Variants in SH3RF3 observed in about 807,000 individuals in gnomAD.
SH3RF3 encodes the protein SH3 domain containing ring finger 3, also known as E3 ubiquitin-protein ligase SH3RF3.
SH3RF3 carries 29 observed loss-of-function variants against 66.3 expected under a neutral mutation model. The ratio of observed to expected loss-of-function variants is 0.44; its 90% CI spans 0.33 to 0.60. The LOEUF is 0.60. Among genes scored for constraint, SH3RF3 ranks in the 20% least tolerant of loss-of-function variants. The probability of loss-of-function intolerance (pLI) is 0.04; values close to 1 mark genes in which losing one functional copy is unlikely to be tolerated. For missense variants in SH3RF3, 1,194 were observed against 1,190.9 expected (o/e 1.00, Z -0.04); for synonymous variants, 583 against 532.0 (o/e 1.10, Z -1.32).
chr2:109,355,736 C>G (rs1292947579), intron 2 of SH3RF3, among the ~76,000 whole-genome samples: 4 of 152,186 alleles, frequency 2.6e-5, no homozygotes, highest in African/African-American at 9.7e-5. Context: ...TGTGAAGCAG[C>G]AACTTAACAC....
intron 2 of SH3RF3, among the ~76,000 whole-genome samples, chr2:109,358,195 G>A (rs1276437898): frequency 1.3e-5 from 2 of 152,130 alleles, no homozygotes; most frequent in African/African-American, 4.8e-5. Flanking sequence ...TTGCATTTAA[G>A]GTCCTTCCAT....
At chr2:109,170,971 A>C (rs1321659093) in intron 1 of SH3RF3, among the ~76,000 whole-genome samples, 2 of 152,128 alleles carry the variant, frequency 1.3e-5, no homozygotes, top group African/African-American at 4.8e-5. Flanking sequence ...GCACAGAGGC[A>C]CACAGGGCGC....
rs186689103 is a variant in SH3RF3 at position 109,456,373 on chromosome 2, G to A, written c.2148+6884G>A. ...GGCTGAAAATGAACCCATCCTGAAA[G>A]CGTGAATCCCAGCTGCCAAAAAACA... On this transcript the variant is annotated intron_variant, in intron 8 of 9. Coordinates refer to ENST00000309415, the MANE Select transcript of SH3RF3 (RefSeq NM_001099289.3). Among the ~76,000 whole-genome samples the A allele has an allele frequency of 2.0e-5, 3 of 152,352 alleles. No individual in the cohort carries two copies. In the East Asian group the frequency reaches 5.8e-4, roughly 29 times the overall value.
intron 1 of SH3RF3, among the ~76,000 whole-genome samples, chr2:109,239,158 T>G (rs893100482): frequency 1.3e-5 from 2 of 152,056 alleles, no homozygotes; most frequent in African/African-American, 4.8e-5. Context: ...CACTTTGAGC[T>G]TCCCCAGACC....
At chr2:109,325,083 G>T (rs1483263324) in intron 1 of SH3RF3, among the ~76,000 whole-genome samples, 4 of 152,120 alleles carry the variant, frequency 2.6e-5, no homozygotes, top group Non-Finnish European at 5.9e-5. Flanking sequence ...TAGAAGGGAG[G>T]ATGCCATGGC....
chr2:109,317,547 G>A (rs903244100), intron 1 of SH3RF3, among the ~76,000 whole-genome samples: 10 of 152,130 alleles, frequency 6.6e-5, no homozygotes, highest in African/African-American at 1.4e-4. Flanking sequence ...TCGTTCTGCC[G>A]GGCCTGCCTC....
At chr2:109,241,257 T>TAACAACAAC (rs57171165) in intron 1 of SH3RF3, among the ~76,000 whole-genome samples, 6,206 of 151,268 alleles carry the variant, frequency 0.041, 417 homozygotes, top group African/African-American at 0.14. Flanking sequence ...CCTAAGAATA[T>TAACAACAAC]AACAACAACA....
chr2:109,203,460 C>T (rs1319972492), intron 1 of SH3RF3, among the ~76,000 whole-genome samples: 1 of 152,216 alleles, frequency 6.6e-6, no homozygotes, highest in Non-Finnish European at 1.5e-5. Flanking sequence ...ATGACATATT[C>T]TTTAAGTCGC....
chr2:109,484,165 C>G (rs1678909198), intron 8 of SH3RF3, among the ~76,000 whole-genome samples: 1 of 150,960 alleles, frequency 6.6e-6, no homozygotes, highest in Admixed American at 6.6e-5. Context: ...CTTCTGGGTT[C>G]AAGCGATTCT....
chr2:109,259,050 G>A (rs1230604015), intron 1 of SH3RF3, among the ~76,000 whole-genome samples: 3 of 152,242 alleles, frequency 2.0e-5, no homozygotes, highest in African/African-American at 7.2e-5. Flanking sequence ...AGAGCCTTGT[G>A]CTGCCAGGGC....
At chr2:109,449,031 C>T in intron 7 of SH3RF3, 139 bp from the exon 8 acceptor site, 1 of 998,628 alleles carries the variant, frequency 1.0e-6, no homozygotes, top group Non-Finnish European at 1.4e-6. Context: ...GTGAAGAGGC[C>T]AGGTCTGTCT....
intron 4 of SH3RF3, among the ~76,000 whole-genome samples, chr2:109,403,182 C>T (rs963569959): frequency 6.6e-6 from 1 of 152,200 alleles, no homozygotes; most frequent in Non-Finnish European, 1.5e-5. Flanking sequence ...TCAGAGTGCC[C>T]GAGCACCATG....
Position 109,290,680 on chromosome 2 carries a change from G to C in SH3RF3, c.574-56994G>C, listed in dbSNP as rs1206428398. On this transcript the variant is annotated intron_variant, in intron 1 of 9. Coordinates refer to ENST00000309415, the MANE Select transcript of SH3RF3 (RefSeq NM_001099289.3). Reference sequence around the variant, plus strand: ...TTGTATCCATGGTCTTTGGGAGCAAGGATGCAGACCCAGACCTGACTGCTG... The same window carrying C: ...TTGTATCCATGGTCTTTGGGAGCAACGATGCAGACCCAGACCTGACTGCTG... 4.6e-5 allele frequency among the ~76,000 whole-genome samples: 7 copies of C among 152,286 alleles called. No homozygotes were observed. In the East Asian group the frequency reaches 1.4e-3, roughly 29 times the overall value.
intron 1 of SH3RF3, among the ~76,000 whole-genome samples, chr2:109,274,703 TAG>T (rs1156767869): frequency 6.6e-6 from 1 of 152,210 alleles, no homozygotes; most frequent in East Asian, 1.9e-4. Context: ...TTCTGATAGA[TAG>T]AGGTCGTGGC....
At chr2:109,349,423 C>T (rs982600940) in intron 2 of SH3RF3, among the ~76,000 whole-genome samples, 1 of 152,156 alleles carries the variant, frequency 6.6e-6, no homozygotes, top group Non-Finnish European at 1.5e-5. Context: ...CCCACTCAGT[C>T]GGAGGGCGAG....
At chr2:109,463,785 C>T (rs1375448090) in intron 8 of SH3RF3, among the ~76,000 whole-genome samples, 1 of 152,204 alleles carries the variant, frequency 6.6e-6, no homozygotes, top group East Asian at 1.9e-4. Flanking sequence ...AGAATGATGC[C>T]TCTGTGACAT....
intron 4 of SH3RF3, among the ~76,000 whole-genome samples, chr2:109,408,508 G>T (rs1676505049): frequency 6.6e-6 from 1 of 152,182 alleles, no homozygotes; most frequent in African/African-American, 2.4e-5. Context: ...AGAAAAACGG[G>T]GTCCCACACG....
At chr2:109,189,348 T>TA (rs1678280552) in intron 1 of SH3RF3, among the ~76,000 whole-genome samples, 1 of 149,526 alleles carries the variant, frequency 6.7e-6, no homozygotes, top group African/African-American at 2.5e-5. Context: ...GAGAGGAACT[T>TA]ACGTGTTCAG....
chr2:109,212,052 A>T (rs1034777064), intron 1 of SH3RF3, among the ~76,000 whole-genome samples: 1 of 152,224 alleles, frequency 6.6e-6, no homozygotes, highest in African/African-American at 2.4e-5. Context: ...GGCTTTGCGG[A>T]ATTCCAGGGA....
Sources: allele counts gnomAD v4.1 joint callset (sites outside exome capture counted in the v4.1 genomes callset), GRCh38; gene constraint gnomAD v4.1.1; transcripts MANE v1.5; gene names NCBI Gene and HGNC (gene_info 2026-07-23, HGNC 2026-07-21).